AGAP1: variants seen among roughly 807,000 people sequenced by gnomAD.
The protein encoded by AGAP1 is arf-GAP with GTPase, ANK repeat and PH domain-containing protein 1.
A neutral mutation model predicts 105.3 loss-of-function variants in AGAP1; 29 were observed. That is an observed-to-expected ratio of 0.28 (90% confidence interval 0.21 to 0.38). The LOEUF is 0.38. AGAP1 is among the 10% of genes least tolerant of loss of function. AGAP1 has a pLI of 1.00. For synonymous variants in AGAP1, 509 were observed against 485.9 expected, an observed-to-expected ratio of 1.05 and a Z score of -0.63; for missense variants, 998 against 1,165.1, an observed-to-expected ratio of 0.86 and a Z score of 2.09.
At position 235,736,611 on chromosome 2, in the gene AGAP1, T is replaced by C. The variant is rs1456827272; in HGVS notation, c.311-4352T>C. On this transcript the variant is annotated intron_variant, in intron 3 of 17. Transcript: ENST00000304032. The surrounding 1 kb of genome is among the most constrained non-coding windows in gnomAD (Gnocchi z 5.5). ...ATTCTGGTGGAAAAAAGATCTCCCTTTGGGAGGCTGAGGCAGGTAGACCGC... is the reference window on the plus strand; with the variant it reads ...ATTCTGGTGGAAAAAAGATCTCCCTCTGGGAGGCTGAGGCAGGTAGACCGC... 1.3e-5 allele frequency among the ~76,000 whole-genome samples: 2 copies of C among 152,110 alleles called. No homozygotes were observed. The highest frequency in any genetic ancestry group is 4.8e-5 in the African/African-American group (2 of 41,440).
At chr2:236,037,057 C>T (rs1025654650) in intron 14 of AGAP1, among the ~76,000 whole-genome samples, 3 of 152,074 alleles carry the variant, frequency 2.0e-5, no homozygotes, top group Non-Finnish European at 2.9e-5. Flanking sequence ...AAAAGAGAGA[C>T]GGACTTAAAA....
intron 1 of AGAP1, among the ~76,000 whole-genome samples, chr2:235,602,869 T>C (rs1034103683): frequency 3.3e-5 from 5 of 152,102 alleles, no homozygotes; most frequent in African/African-American, 1.2e-4. Context: ...GCCTGGCTAA[T>C]TTTTGTATTT....
rs1942183714 is a variant in AGAP1, at chr2:235,512,359, G to C, written c.163+17510G>C. Among the ~76,000 whole-genome samples the C allele has an allele frequency of 2.6e-5, 4 of 152,224 alleles. No homozygotes were observed. In the South Asian group the frequency reaches 8.3e-4, roughly 31 times the overall value. ...CACCTGTGATCCCAACACTTTGGGA[G>C]ACCGAAGTGGGAGGATTGCTTGAAG... On this transcript the variant is annotated intron_variant, in intron 1 of 17. Transcript: ENST00000304032.
intron 13 of AGAP1, among the ~76,000 whole-genome samples, chr2:236,030,273 C>T (rs1387793093): frequency 6.6e-6 from 1 of 152,204 alleles, no homozygotes; most frequent in African/African-American, 2.4e-5. Context: ...CCTCAGCCTC[C>T]CAAAGTGCTG....
rs1181672505 is a variant in AGAP1 at position 235,660,163 on chromosome 2, A to T, written c.164-49016A>T. ...GACAGGCTTTCTCAGGGGGGCGGCC[A>T]CCCAAGATCAGCTGCGGCTGAGGAT... On this transcript the variant is annotated intron_variant, in intron 1 of 17. Coordinates refer to ENST00000304032, the MANE Select transcript of AGAP1 (RefSeq NM_001037131.3). The surrounding 1 kb of genome is among the most constrained non-coding windows in gnomAD (Gnocchi z 5.3). Among the ~76,000 whole-genome samples, 1 of 152,104 alleles carries T rather than the reference A, an allele frequency of 6.6e-6. No homozygotes were observed. The highest frequency in any genetic ancestry group is 1.5e-5 in the Non-Finnish European group (1 of 68,020).
At chr2:236,099,775 C>T (rs1023206956) in intron 16 of AGAP1, among the ~76,000 whole-genome samples, 3 of 152,122 alleles carry the variant, frequency 2.0e-5, no homozygotes, top group African/African-American at 7.2e-5. Flanking sequence ...CGCAGTGGCT[C>T]ACACCTGTAA....
intron 1 of AGAP1, among the ~76,000 whole-genome samples, chr2:235,602,976 G>A (rs937697948): frequency 2.0e-5 from 3 of 152,072 alleles, no homozygotes; most frequent in Non-Finnish European, 4.4e-5. Context: ...TGCTGGGATT[G>A]CAGGCGTGAG....
chr2:235,622,227 C>T lies in AGAP1; in HGVS notation c.164-86952C>T, dbSNP rs1032554302. On this transcript the variant is annotated intron_variant, in intron 1 of 17. Transcript: ENST00000304032. This position sits in a 1 kb window ranked among gnomAD's most constrained non-coding sequence, Gnocchi z 5.0. ...TTCCCAATTTTGGGAAAGGAGCCTT[C>T]GTCTTTGCTTCCTAGGAATGGTCAT... Among the ~76,000 whole-genome samples, 2 of 152,144 alleles carry T rather than the reference C, an allele frequency of 1.3e-5. No homozygotes were observed. The highest frequency in any genetic ancestry group is 2.4e-5 in the African/African-American group (1 of 41,428).
chr2:235,978,435 G>A (rs1320763028), intron 13 of AGAP1, among the ~76,000 whole-genome samples: 2 of 152,170 alleles, frequency 1.3e-5, no homozygotes, highest in African/African-American at 4.8e-5. Flanking sequence ...ATCATCCAGT[G>A]CAAAGGAAGA....
At chr2:235,727,857 G>T (rs1951726610) in intron 3 of AGAP1, among the ~76,000 whole-genome samples, 1 of 152,156 alleles carries the variant, frequency 6.6e-6, no homozygotes, top group Non-Finnish European at 1.5e-5. Flanking sequence ...AAAAGACGAA[G>T]TGCAGAGAAA....
At position 236,063,005 on chromosome 2, in the gene AGAP1, G is replaced by T. The variant is rs374222674; in HGVS notation, c.2114+13724G>T. Among the ~76,000 whole-genome samples, 25 of 152,210 alleles carry T rather than the reference G, an allele frequency of 1.6e-4. No homozygotes were observed. In the South Asian group the frequency reaches 4.6e-3, roughly 28 times the overall value. On this transcript the variant is annotated intron_variant, in intron 16 of 17. Transcript: ENST00000304032. ...ATGGGGGTCTCACTATGTTGCCCAG[G>T]CAGGGATCCTGGCCTCCAGTGATCC...
At chr2:236,054,927 T>G (rs957660340) in intron 16 of AGAP1, among the ~76,000 whole-genome samples, 32 of 150,496 alleles carry the variant, frequency 2.1e-4, no homozygotes, top group African/African-American at 7.5e-4. Flanking sequence ...TCAAGCTCAC[T>G]GATAAATTAA....
intron 12 of AGAP1, among the ~76,000 whole-genome samples, chr2:235,941,217 T>A (rs1288078728): frequency 6.6e-6 from 1 of 152,118 alleles, no homozygotes; most frequent in Non-Finnish European, 1.5e-5. Context: ...GTAGTTAGAG[T>A]TGAAACTGGT....
Position 235,977,128 on chromosome 2 carries a change from C to T in AGAP1, c.1645+8505C>T, listed in dbSNP as rs900165913. Reference sequence around the variant, plus strand: ...GTTAGCACAAGCTGCTCACAGGCTCCGGCGTCCATCAGCAGAGAACTCGGG... The same window carrying T: ...GTTAGCACAAGCTGCTCACAGGCTCTGGCGTCCATCAGCAGAGAACTCGGG... On this transcript the variant is annotated intron_variant, in intron 13 of 17. Coordinates refer to ENST00000304032, the MANE Select transcript of AGAP1 (RefSeq NM_001037131.3). This position sits in a 1 kb window ranked among gnomAD's most constrained non-coding sequence, Gnocchi z 5.2. 2.6e-5 allele frequency among the ~76,000 whole-genome samples: 4 copies of T among 152,264 alleles called. No homozygotes were observed. Among genetic ancestry groups the T allele is most frequent in the Middle Eastern group, 3.4e-3 (1 of 294 alleles).
chr2:235,816,843 A>C (rs1277641994), intron 9 of AGAP1, among the ~76,000 whole-genome samples: 17 of 152,072 alleles, frequency 1.1e-4, no homozygotes, highest in Admixed American at 3.3e-4. Context: ...GTGAGCCGAG[A>C]TCATGCTACT....
intron 13 of AGAP1, among the ~76,000 whole-genome samples, chr2:236,025,726 A>G (rs1041135008): frequency 8.5e-5 from 13 of 152,138 alleles, no homozygotes; most frequent in Non-Finnish European, 1.5e-4. Flanking sequence ...GTTTAGTAAC[A>G]CCAGAAATCC....
chr2:235,972,576 A>T (rs1381105430), intron 13 of AGAP1, among the ~76,000 whole-genome samples: 2 of 152,050 alleles, frequency 1.3e-5, no homozygotes, highest in African/African-American at 2.4e-5. Flanking sequence ...CAAGAAAGAG[A>T]CCTGTCCGGC....
intron 1 of AGAP1, among the ~76,000 whole-genome samples, chr2:235,498,950 C>G (rs7581775): frequency 0.013 from 1,944 of 152,290 alleles, 31 homozygotes; most frequent in African/African-American, 0.044. Flanking sequence ...GTTTGGGGGA[C>G]CTGGGAAGAT....
chr2:235,640,789 G>C (rs1947164298), intron 1 of AGAP1, among the ~76,000 whole-genome samples: 1 of 152,218 alleles, frequency 6.6e-6, no homozygotes, highest in Non-Finnish European at 1.5e-5. Context: ...AAACCTGCCT[G>C]AGAGTGAGTC....
Sources: gnomAD v4.1 joint callset for allele counts (sites outside exome capture counted in the v4.1 genomes callset) on GRCh38, gnomAD v4.1.1 for gene constraint, Gnocchi (gnomAD v3.1) non-coding constraint, MANE v1.5 for transcripts, NCBI Gene and HGNC (gene_info 2026-07-23, HGNC 2026-07-21) for gene names.